The following DDX11 variants were observed in gnomAD, a reference collection of about 807,000 sequenced individuals.
DDX11 encodes ATP-dependent DNA helicase DDX11.
In DDX11, 72 loss-of-function variants were observed where a neutral mutation model predicts 125.2. That is an observed-to-expected ratio of 0.58 (90% CI 0.48 to 0.70). DDX11 has a LOEUF of 0.70. Ranked by LOEUF, DDX11 falls within the 30% of genes least tolerant of loss-of-function variation. The probability of loss-of-function intolerance (pLI) is 0.00; values close to 1 mark genes in which losing one functional copy is unlikely to be tolerated. For missense variants in DDX11, 883 were observed against 1,165.0 expected (o/e 0.76, Z 3.52); for synonymous variants, 347 against 452.6 (o/e 0.77, Z 2.96).
intron 5 of DDX11, chr12:31,086,337 T>C: frequency 2.7e-6 from 1 of 375,986 alleles, no homozygotes; most frequent in South Asian, 2.0e-5. Flanking sequence ...CACGTCTTTA[T>C]AGTTTGATGT....
intron 1 of DDX11, among the ~76,000 whole-genome samples, chr12:31,076,543 T>TG (rs1324881869): frequency 3.3e-5 from 5 of 152,230 alleles, no homozygotes; most frequent in Non-Finnish European, 5.9e-5. Context: ...TTCGAATCCC[T>TG]GGTTTTCCAC....
chr12:31,100,635 G>A lies in DDX11; in HGVS notation c.1876G>A (p.Val626Met), dbSNP rs1274971061. ...VVIAGGTMQPVSDFRQQLLAC... is the reference protein window; with the variant it reads ...VVIAGGTMQPMSDFRQQLLAC... Reference sequence around the variant, plus strand: ...GTGACGCTGTGGCCTTGGTCTACAGGTGTCTGACTTCCGGCAGCAGCTGCT... The same window carrying A: ...GTGACGCTGTGGCCTTGGTCTACAGATGTCTGACTTCCGGCAGCAGCTGCT... The change falls in exon 19 of 27, where the codon GTG becomes ATG. Residue 626 changes from valine to methionine, a missense_variant and splice_region_variant. Coordinates refer to ENST00000542838, the MANE Select transcript of DDX11 (RefSeq NM_030653.4). The A allele has an allele frequency of 1.3e-6, 2 of 1,552,372 alleles. No homozygotes were observed. Among genetic ancestry groups the A allele is most frequent in the South Asian group, 2.4e-5 (2 of 84,094 alleles).
intron 4 of DDX11, 53 bp from the exon 5 acceptor site, chr12:31,084,916 G>A: frequency 3.8e-6 from 6 of 1,559,560 alleles, no homozygotes; most frequent in African/African-American, 2.7e-5. Flanking sequence ...GGGGAGGTGG[G>A]TACTGGTGCT....
chr12:31,084,073 G>C lies in DDX11; in HGVS notation c.393+12G>C. On this transcript the variant is annotated intron_variant, in intron 3 of 26. Transcript: ENST00000542838. ...TGGACCGACTAAAGGTGAGACCTGG[G>C]GTATCCGGAAGTGGGAGTACTGGAG... 6.2e-7 allele frequency: 1 copy of C among 1,613,760 alleles called. No individual in the cohort carries two copies.
chr12:31,094,912 AG>A (rs1944951357), intron 14 of DDX11, 90 bp downstream of exon 14: 1 of 1,421,874 alleles, frequency 7.0e-7, no homozygotes, highest in Non-Finnish European at 9.9e-7. Context: ...TGTAGAAGGA[AG>A]AAAAAGCAAA....
At chr12:31,096,184 A>G (rs9788128) in intron 14 of DDX11, among the ~76,000 whole-genome samples, 157 bp from the exon 15 acceptor site, 79,732 of 149,206 alleles carry the variant, frequency 0.53, 22,552 homozygotes, top group East Asian at 0.82. Context: ...CTCGGAGAGG[A>G]GATGACAAGG....
At chr12:31,083,325 AC>A (rs376256192) in intron 2 of DDX11, among the ~76,000 whole-genome samples, 5,335 of 144,916 alleles carry the variant, frequency 0.037, 369 homozygotes, top group East Asian at 0.23. Context: ...AAAAAAAAAA[AC>A]AAAACAAAAC....
intron 12 of DDX11, among the ~76,000 whole-genome samples, chr12:31,093,947 G>T (rs1338868531): frequency 6.1e-5 from 9 of 148,450 alleles, no homozygotes; most frequent in African/African-American, 2.3e-4. Flanking sequence ...TCTGTGGGTT[G>T]TTCGAAGCAC....
chr12:31,096,646 T>C lies in DDX11; in HGVS notation c.1531T>C (p.Phe511Leu). 4 of 1,613,488 alleles carry C rather than the reference T, an allele frequency of 2.5e-6. No homozygotes were observed. The South Asian group carries it at 4.4e-5, about 18-fold the overall frequency. ...KSMISRKLFG[F>L]TERYGAVFSS... ...CTCTCATCCCACCCAGCTCTTTGGA[T>C]TCACTGAACGGTACGGAGCAGTGTT... Residue 511 changes from phenylalanine to leucine, a missense_variant, in exon 16 of 27, where the codon TTC becomes CTC. Phe to Leu is a conservative substitution (Grantham distance 22, BLOSUM62 0). Coordinates refer to ENST00000542838, the MANE Select transcript of DDX11 (RefSeq NM_030653.4).
chr12:31,091,023 T>A (rs1420917251), intron 9 of DDX11: 2 of 152,302 alleles, frequency 1.3e-5, no homozygotes, highest in Non-Finnish European at 2.9e-5. Flanking sequence ...CATATTTTGC[T>A]TTTATGTTAA....
At chr12:31,094,730 A>G (rs770383716) in intron 13 of DDX11, 25 bp from the exon 14 acceptor site, 30 of 1,598,882 alleles carry the variant, frequency 1.9e-5, no homozygotes, top group Non-Finnish European at 2.4e-5. Flanking sequence ...GAAGCTCCCA[A>G]GGCCCTTCAT....
In DDX11 at chr12:31,103,596, G is replaced by C; in HGVS notation, c.2556G>C (p.Gln852His). 6.2e-7 allele frequency: 1 copy of C among 1,614,054 alleles called. No homozygotes were observed. The highest frequency in any genetic ancestry group is 1.7e-5 in the Admixed American group (1 of 60,028). Reference sequence around the variant, plus strand: ...ATGCAGGCAGGGCCATCAGGCACCAGAAGGATTTTGCCAGCGTAGTGCTCC... The same window carrying C: ...ATGCAGGCAGGGCCATCAGGCACCACAAGGATTTTGCCAGCGTAGTGCTCC... ...NQSIGRAIRH[Q>H]KDFASVVLLD... is the part of the protein sequence containing the mutation. Residue 852 changes from glutamine (Q) to histidine (H), a missense_variant, in exon 26 of 27, where the codon CAG becomes CAC. Gln to His is a conservative substitution (Grantham distance 24). Around this residue, in one of 5 missense-constraint regions of DDX11, gnomAD observed 285 missense variants for 346.0 expected, o/e 0.82. Coordinates refer to ENST00000542838, the MANE Select transcript of DDX11 (RefSeq NM_030653.4).
intron 6 of DDX11, 91 bp downstream of exon 6, chr12:31,088,074 C>G: frequency 6.5e-7 from 1 of 1,550,040 alleles, no homozygotes; most frequent in Non-Finnish European, 8.8e-7. Context: ...TTGGCTACTT[C>G]TCACCCTCCT....
intron 24 of DDX11, 40 bp from the exon 25 acceptor site, chr12:31,103,277 G>T: frequency 6.2e-7 from 1 of 1,600,948 alleles, no homozygotes. Context: ...GGAGCTGCAG[G>T]CAGGGAACAG....
chr12:31,090,054 G>A lies in DDX11; in HGVS notation c.1049G>A (p.Cys350Tyr). The stretch of plus-strand genomic sequence containing the variant: ...GCCCTTGGGAAGGAGGCCCGGGCCT[G>A]TCCCTATTACGGGAGCCGCCTTGCC... ...LLALGKEARA[C>Y]PYYGSRLAIP... The change falls in exon 9 of 27, where the codon TGT (cysteine) becomes TAT (tyrosine). Residue 350 changes from cysteine to tyrosine, a missense_variant. Cys to Tyr is a radical substitution (Grantham distance 194). Coordinates refer to ENST00000542838, the MANE Select transcript of DDX11 (RefSeq NM_030653.4). The A allele has an allele frequency of 1.3e-6, 2 of 1,550,790 alleles. No homozygotes were observed. Among genetic ancestry groups the A allele is most frequent in the Non-Finnish European group, 1.7e-6 (2 of 1,147,344 alleles).
At chr12:31,084,310 T>C (rs538005488) in intron 3 of DDX11, among the ~76,000 whole-genome samples, 1 of 152,328 alleles carries the variant, frequency 6.6e-6, no homozygotes, top group Admixed American at 6.5e-5. Flanking sequence ...AAGGACCTGA[T>C]CATTGCCATT....
At chr12:31,100,127 A>G (rs1261116918) in intron 18 of DDX11, among the ~76,000 whole-genome samples, 1 of 152,102 alleles carries the variant, frequency 6.6e-6, no homozygotes, top group African/African-American at 2.4e-5. Context: ...GTATCTTCTC[A>G]CTGGACTCCT....
intron 18 of DDX11, among the ~76,000 whole-genome samples, chr12:31,098,396 A>C (rs970703580): frequency 3.9e-5 from 6 of 152,400 alleles, no homozygotes; most frequent in Admixed American, 3.9e-4. Context: ...GGCTCCCTCC[A>C]TGTGCTGTCA....
chr12:31,095,129 C>A (rs1351685307), intron 14 of DDX11, among the ~76,000 whole-genome samples: 1 of 152,248 alleles, frequency 6.6e-6, no homozygotes, highest in Admixed American at 6.5e-5. Context: ...AGGAATAGGA[C>A]GTTGATTTGT....
Sources: gnomAD v4.1 joint callset for allele counts (sites outside exome capture counted in the v4.1 genomes callset) on GRCh38, gnomAD v4.1.1 for gene constraint, gnomAD v4.1.1 regional missense constraint, MANE v1.5 for transcripts, NCBI Gene and HGNC (gene_info 2026-07-23, HGNC 2026-07-21) for gene names.